Variants in MFHAS1 observed in about 807,000 individuals in gnomAD.
MFHAS1 encodes the protein multifunctional ROCO family signaling regulator 1.
Under a neutral mutation model 70.4 loss-of-function variants are expected in MFHAS1, and 50 were observed. That is an observed-to-expected ratio of 0.71 (90% CI 0.57 to 0.90). The LOEUF (loss-of-function observed/expected upper bound fraction) is 0.90, where lower values mean the gene tolerates loss of function less well. MFHAS1 is among the 40% of genes least tolerant of loss of function. MFHAS1 has a pLI of 0.00. For missense variants in MFHAS1, 1,795 were observed against 1,347.6 expected, an observed-to-expected ratio of 1.33 and a Z score of -5.20; for synonymous variants, 952 against 620.0, an observed-to-expected ratio of 1.54 and a Z score of -7.96.
At chr8:8,838,377 G>A (rs759234046) in intron 1 of MFHAS1, among the ~76,000 whole-genome samples, 2 of 152,070 alleles carry the variant, frequency 1.3e-5, no homozygotes, top group Admixed American at 6.5e-5. Flanking sequence ...TAGTTAAAAT[G>A]GTACATTTTA....
chr8:8,812,186 A>C (rs1424100203), intron 1 of MFHAS1, among the ~76,000 whole-genome samples: 2 of 152,102 alleles, frequency 1.3e-5, no homozygotes, highest in Non-Finnish European at 2.9e-5. Context: ...GTGTAGTGCA[A>C]AATGTCCTCT....
chr8:8,878,663 CAAAAAAAGAAAA>C (rs1809389106), intron 1 of MFHAS1, among the ~76,000 whole-genome samples: 2 of 132,420 alleles, frequency 1.5e-5, no homozygotes, highest in South Asian at 5.1e-4. Context: ...TCCTTCTTTT[CAAAAAAAGAAAA>C]AAAAAAAGGA....
At chr8:8,865,318 AG>A (rs1397766769) in intron 1 of MFHAS1, among the ~76,000 whole-genome samples, 3 of 151,878 alleles carry the variant, frequency 2.0e-5, no homozygotes, top group Non-Finnish European at 2.9e-5. Context: ...TTCACTGTCA[AG>A]ATGACAGGCT....
chr8:8,864,898 G>C (rs1808799084), intron 1 of MFHAS1, among the ~76,000 whole-genome samples: 1 of 152,138 alleles, frequency 6.6e-6, no homozygotes, highest in Admixed American at 6.5e-5. Flanking sequence ...AATTACTTGA[G>C]ATTTCTTTTG....
chr8:8,871,067 C>G (rs1481063767), intron 1 of MFHAS1, among the ~76,000 whole-genome samples: 2 of 152,120 alleles, frequency 1.3e-5, no homozygotes, highest in Non-Finnish European at 2.9e-5. Context: ...GGGTGACAAG[C>G]TATTGCCTTC....
chr8:8,816,866 A>C (rs1165681828), intron 1 of MFHAS1, among the ~76,000 whole-genome samples: 1 of 152,228 alleles, frequency 6.6e-6, no homozygotes, highest in East Asian at 1.9e-4. Flanking sequence ...AGGTAAGCCA[A>C]GGTTAACATA....
intron 1 of MFHAS1, among the ~76,000 whole-genome samples, chr8:8,839,248 G>T: frequency 6.6e-6 from 1 of 151,306 alleles, no homozygotes; most frequent in Non-Finnish European, 1.5e-5. Context: ...GAAAAATAAA[G>T]TTTTTTTTTC....
chr8:8,796,688 CA>C lies in MFHAS1; in HGVS notation c.3125+676del, dbSNP rs55756300. On this transcript the variant is annotated intron_variant, in intron 2 of 2. Transcript: ENST00000276282. Reference sequence around the variant, plus strand: ...GACAGAGCAAGACTCCGTCTCAAAACAAAAAAAAAAAAAAAGGCAAAAAAAG... The same window carrying C: ...GACAGAGCAAGACTCCGTCTCAAAACAAAAAAAAAAAAAAGGCAAAAAAAG... 1.5e-3 allele frequency among the ~76,000 whole-genome samples: 37 copies of C among 24,758 alleles called. 11 individuals carry two copies. In the East Asian group the frequency reaches 0.017, roughly 11 times the overall value. 16.2% of individuals were successfully genotyped at this position (24,758 alleles called of 152,430 possible). A position where few individuals can be genotyped will look rare whatever the true frequency, so the allele number is the denominator to read the frequency against.
rs142011773 is a variant in MFHAS1 at position 8,823,436 on chromosome 8, G to A, written c.2999-25945C>T. Among the ~76,000 whole-genome samples the A allele has an allele frequency of 3.5e-3, 539 of 152,234 alleles. 2 individuals carry two copies. Among genetic ancestry groups the A allele is most frequent in the African/African-American group, 0.012 (504 of 41,544 alleles). On this transcript the variant is annotated intron_variant, in intron 1 of 2. Transcript: ENST00000276282. ...CTGCGCTAACTCCCTGCAAGTTCCCGAAACACCGTGAGTCCTCTGGGCCTC... is the reference window on the plus strand; with the variant it reads ...CTGCGCTAACTCCCTGCAAGTTCCCAAAACACCGTGAGTCCTCTGGGCCTC...
chr8:8,882,274 C>G (rs1206221641), intron 1 of MFHAS1, among the ~76,000 whole-genome samples: 1 of 152,128 alleles, frequency 6.6e-6, no homozygotes. Flanking sequence ...CCTGTAATCC[C>G]AGCTACGTGG....
intron 1 of MFHAS1, among the ~76,000 whole-genome samples, chr8:8,801,844 G>A (rs1318896863): frequency 2.6e-5 from 4 of 152,148 alleles, no homozygotes; most frequent in Admixed American, 6.5e-5. Flanking sequence ...CCTGTATGAT[G>A]AGGCCCCCAA....
rs1011937237 is a variant in MFHAS1, at chr8:8,892,813, C to T, written c.246G>A (p.Leu82=). ...CGCGCAGGCTGCCCAGCGCCGACCC[C>T]AGCCCCTCGGGTACCTCCTCCAGGC... ...NNGLEEVPEG[L]GSALGSLRVL... Residue 82 remains leucine (L), a synonymous_variant, in exon 1 of 3, where the codon CTG becomes CTA. Coordinates refer to ENST00000276282, the MANE Select transcript of MFHAS1 (RefSeq NM_004225.3). This position sits in a 1 kb window ranked among gnomAD's most constrained non-coding sequence, Gnocchi z 4.7. The T allele has an allele frequency of 1.1e-5, 17 of 1,591,098 alleles. No homozygotes were observed. The highest frequency in any genetic ancestry group is 2.3e-5 in the East Asian group (1 of 43,748).
chr8:8,871,906 T>A (rs761572200), intron 1 of MFHAS1, among the ~76,000 whole-genome samples: 2 of 152,168 alleles, frequency 1.3e-5, no homozygotes, highest in Non-Finnish European at 2.9e-5. Context: ...GCAATATTCA[T>A]CTCTAGCTAC....
intron 2 of MFHAS1, among the ~76,000 whole-genome samples, chr8:8,796,801 C>G (rs1361590782): frequency 1.3e-5 from 2 of 151,574 alleles, no homozygotes; most frequent in African/African-American, 4.9e-5. Flanking sequence ...CGAGATCATC[C>G]TGGCTAACAG....
At chr8:8,835,950 T>C (rs1360992196) in intron 1 of MFHAS1, among the ~76,000 whole-genome samples, 1 of 152,262 alleles carries the variant, frequency 6.6e-6, no homozygotes, top group Non-Finnish European at 1.5e-5. Context: ...TGCTAACCGA[T>C]GCTACTACAG....
intron 2 of MFHAS1, among the ~76,000 whole-genome samples, chr8:8,786,917 A>G (rs931678597): frequency 3.3e-5 from 5 of 151,990 alleles, no homozygotes; most frequent in African/African-American, 7.3e-5. Flanking sequence ...CGACATCACC[A>G]AAACAAAGCA....
At chr8:8,879,220 C>G (rs1809412771) in intron 1 of MFHAS1, among the ~76,000 whole-genome samples, 2 of 152,078 alleles carry the variant, frequency 1.3e-5, no homozygotes, top group Admixed American at 1.3e-4. Context: ...GGTGTGGTGG[C>G]ACATGCCTGT....
At chr8:8,796,238 CAAA>C (rs1805889283) in intron 2 of MFHAS1, among the ~76,000 whole-genome samples, 1 of 152,104 alleles carries the variant, frequency 6.6e-6, no homozygotes, top group Non-Finnish European at 1.5e-5. Context: ...AAGGTGGTGG[CAAA>C]CTGCACAGCC....
intron 1 of MFHAS1, among the ~76,000 whole-genome samples, chr8:8,838,433 CTG>C (rs376705454): frequency 4.6e-5 from 7 of 152,222 alleles, no homozygotes; most frequent in Admixed American, 3.3e-4. Flanking sequence ...CGCTATCCTG[CTG>C]TGTTTTCATA....
Sources: allele counts gnomAD v4.1 joint callset (sites outside exome capture counted in the v4.1 genomes callset), GRCh38; gene constraint gnomAD v4.1.1; non-coding constraint Gnocchi (gnomAD v3.1); transcripts MANE v1.5; gene names NCBI Gene and HGNC (gene_info 2026-07-23, HGNC 2026-07-21).